Variants in MACROD2 observed in about 807,000 individuals in gnomAD.
MACROD2 encodes ADP-ribose glycohydrolase MACROD2.
MACROD2 carries 36 observed loss-of-function variants against 70.4 expected under a neutral mutation model. The ratio of observed to expected loss-of-function variants is 0.51; its 90% confidence interval spans 0.39 to 0.68. The LOEUF is 0.68. Ranked by LOEUF, MACROD2 falls within the 30% of genes least tolerant of loss-of-function variation. The pLI is 0.00. For synonymous variants in MACROD2, 172 were observed against 178.8 expected (o/e 0.96, Z 0.30); for missense variants, 496 against 538.4 (o/e 0.92, Z 0.78).
rs1362975762 is a variant in MACROD2 at position 16,044,610 on chromosome 20, C to T, written c.1271C>T (p.Thr424Ile). 3.7e-6 allele frequency: 6 copies of T among 1,611,674 alleles called. No individual in the cohort carries two copies. The South Asian group carries it at 6.6e-5, about 18-fold the overall frequency. The change falls in exon 17 of 18, where the codon ACA (threonine) becomes ATA (isoleucine). Residue 424 changes from threonine (T) to isoleucine (I), a missense_variant. Physicochemically the swap from Thr to Ile is moderately conservative, Grantham distance 89. Coordinates refer to ENST00000684519, the MANE Select transcript of MACROD2 (RefSeq NM_001351661.2). Reference protein sequence around the residue: ...NSQVDKVNDPTESQQEDQLIA... With the variant: ...NSQVDKVNDPIESQQEDQLIA... ...CAGGTTGACAAGGTAAATGACCCAA[C>T]AGAGAGTCAACAAGAAGATCAACTA...
chr20:14,176,570 C>T (rs1363608393), intron 3 of MACROD2, among the ~76,000 whole-genome samples: 1 of 152,070 alleles, frequency 6.6e-6, no homozygotes, highest in Non-Finnish European at 1.5e-5. Context: ...GATATTTAGT[C>T]CTTTCCTTCA....
chr20:14,764,358 C>T (rs1458013941), intron 5 of MACROD2, among the ~76,000 whole-genome samples: 1 of 152,082 alleles, frequency 6.6e-6, no homozygotes, highest in Non-Finnish European at 1.5e-5. Context: ...GGTGATTTGA[C>T]ATGCTTTTCC....
intron 8 of MACROD2, among the ~76,000 whole-genome samples, chr20:15,638,760 G>C (rs1196230097): frequency 6.6e-6 from 1 of 152,222 alleles, no homozygotes; most frequent in East Asian, 1.9e-4. Context: ...GGAGAGAAGA[G>C]CATGCTGACT....
chr20:14,348,303 GAAAGA>G (rs1200648370), intron 3 of MACROD2, among the ~76,000 whole-genome samples: 1 of 149,674 alleles, frequency 6.7e-6, no homozygotes, highest in Non-Finnish European at 1.5e-5. Flanking sequence ...AAGAAAGAAA[GAAAGA>G]AAAGAAAAGA....
At chr20:14,731,164 A>G (rs1437223058) in intron 5 of MACROD2, among the ~76,000 whole-genome samples, 1 of 152,150 alleles carries the variant, frequency 6.6e-6, no homozygotes, top group Non-Finnish European at 1.5e-5. Context: ...GTAATAAAAG[A>G]AATCATATGT....
chr20:15,319,975 G>A (rs939026247), intron 6 of MACROD2, among the ~76,000 whole-genome samples: 1 of 152,122 alleles, frequency 6.6e-6, no homozygotes. Context: ...TTGGGAGACC[G>A]AGGTGGGCGG....
intron 5 of MACROD2, among the ~76,000 whole-genome samples, chr20:14,855,205 T>C (rs1200210696): frequency 3.9e-5 from 6 of 152,192 alleles, no homozygotes; most frequent in Non-Finnish European, 8.8e-5. Flanking sequence ...AAGACTTCTT[T>C]AGGCTTCTTT....
intron 8 of MACROD2, among the ~76,000 whole-genome samples, chr20:15,667,486 T>C (rs2049915895): frequency 6.7e-6 from 1 of 149,526 alleles, no homozygotes; most frequent in Non-Finnish European, 1.5e-5. Context: ...TATGTATCTA[T>C]GTATCTATCT....
intron 8 of MACROD2, among the ~76,000 whole-genome samples, chr20:15,586,453 G>A (rs567533154): frequency 6.6e-6 from 1 of 152,106 alleles, no homozygotes; most frequent in South Asian, 2.1e-4. Context: ...TTTATCTATT[G>A]GTTTTGATTA....
intron 2 of MACROD2, among the ~76,000 whole-genome samples, chr20:14,005,541 G>A (rs1415695258): frequency 6.6e-6 from 1 of 151,816 alleles, no homozygotes; most frequent in Non-Finnish European, 1.5e-5. Flanking sequence ...GGGCTTAATC[G>A]TAAGTTAAAT....
At chr20:15,697,456 C>A (rs1054416555) in intron 8 of MACROD2, among the ~76,000 whole-genome samples, 2 of 152,106 alleles carry the variant, frequency 1.3e-5, no homozygotes, top group Non-Finnish European at 2.9e-5. Flanking sequence ...TTTATTGAGG[C>A]CCCTTTTATG....
intron 3 of MACROD2, among the ~76,000 whole-genome samples, chr20:14,132,833 G>A (rs2054735737): frequency 6.6e-5 from 10 of 151,938 alleles, no homozygotes; most frequent in Admixed American, 6.6e-4. Flanking sequence ...TGTAGAGTTG[G>A]GGTTGCTTTG....
At chr20:14,953,140 A>G (rs2074488858) in intron 5 of MACROD2, among the ~76,000 whole-genome samples, 1 of 152,134 alleles carries the variant, frequency 6.6e-6, no homozygotes, top group Admixed American at 6.5e-5. Context: ...TTTTATAATG[A>G]AATGATAAAA....
At chr20:15,589,120 C>T (rs762490426) in intron 8 of MACROD2, among the ~76,000 whole-genome samples, 13 of 152,122 alleles carry the variant, frequency 8.5e-5, no homozygotes, top group East Asian at 3.9e-4. Context: ...TCTTACATGG[C>T]GGCAGCAAGA....
chr20:16,006,224 G>C (rs1408739311), intron 15 of MACROD2, among the ~76,000 whole-genome samples: 1 of 151,984 alleles, frequency 6.6e-6, no homozygotes, highest in Non-Finnish European at 1.5e-5. Context: ...TGAGTAGGTG[G>C]GATATTTAAG....
At position 14,851,318 on chromosome 20, in the gene MACROD2, G is replaced by C. The variant is rs552378656; in HGVS notation, c.418+166359G>C. 1.3e-4 allele frequency among the ~76,000 whole-genome samples: 20 copies of C among 152,240 alleles called. No homozygotes were observed. In the East Asian group the frequency reaches 3.9e-3, roughly 29 times the overall value. On this transcript the variant is annotated intron_variant, in intron 5 of 17. Coordinates refer to ENST00000684519, the MANE Select transcript of MACROD2 (RefSeq NM_001351661.2). ...TCATTTGTAACCTCCAGGGAGATAA[G>C]ATCAGTTTAGTTGCTAATGAATTTT...
At chr20:14,695,071 G>A (rs2071107428) in intron 5 of MACROD2, among the ~76,000 whole-genome samples, 1 of 151,960 alleles carries the variant, frequency 6.6e-6, no homozygotes, top group Admixed American at 6.6e-5. Context: ...AATTCACTCT[G>A]TATTAGCTTC....
At chr20:14,285,140 G>T (rs6079382) in intron 3 of MACROD2, among the ~76,000 whole-genome samples, 2,311 of 152,178 alleles carry the variant, frequency 0.015, 27 homozygotes, top group Non-Finnish European at 0.023. Context: ...TCTCTTATCT[G>T]GAATGCTTGG....
chr20:15,959,488 C>A (rs1169098817), intron 12 of MACROD2, among the ~76,000 whole-genome samples: 1 of 152,134 alleles, frequency 6.6e-6, no homozygotes, highest in Admixed American at 6.6e-5. Context: ...ACAAATGGAT[C>A]TAGAATAATG....
Sources: allele counts gnomAD v4.1 joint callset (sites outside exome capture counted in the v4.1 genomes callset), GRCh38; gene constraint gnomAD v4.1.1; transcripts MANE v1.5; gene names NCBI Gene and HGNC (gene_info 2026-07-23, HGNC 2026-07-21).